MYO1D: variants seen among roughly 807,000 people sequenced by gnomAD.
MYO1D encodes unconventional myosin-Id.
A neutral mutation model predicts 122.0 loss-of-function variants in MYO1D; 83 were observed. That is an observed-to-expected ratio of 0.68 (90% confidence interval 0.57 to 0.82). MYO1D has a LOEUF of 0.82. MYO1D is among the 40% of genes least tolerant of loss of function. The probability of loss-of-function intolerance (pLI) is 0.00; values close to 1 mark genes in which losing one functional copy is unlikely to be tolerated. For synonymous variants in MYO1D, 464 were observed against 446.9 expected, an observed-to-expected ratio of 1.04 and a Z score of -0.48; for missense variants, 1,157 against 1,269.5, an observed-to-expected ratio of 0.91 and a Z score of 1.35.
At chr17:32,665,044 C>T (rs1350026527) in intron 16 of MYO1D, among the ~76,000 whole-genome samples, 1 of 152,184 alleles carries the variant, frequency 6.6e-6, no homozygotes, top group Non-Finnish European at 1.5e-5. Context: ...CCTCTTGTCT[C>T]AGGGCTTTTG....
intron 21 of MYO1D, among the ~76,000 whole-genome samples, chr17:32,519,886 C>A (rs1910057785): frequency 7.1e-6 from 1 of 140,084 alleles, no homozygotes. Context: ...GGGTAAACAG[C>A]AGGCTTTTTT....
intron 21 of MYO1D, among the ~76,000 whole-genome samples, chr17:32,555,501 C>T (rs993824173): frequency 3.3e-5 from 5 of 151,912 alleles, no homozygotes; most frequent in Admixed American, 3.3e-4. Flanking sequence ...AATAGAGTTA[C>T]TTTGTTGTCA....
intron 16 of MYO1D, among the ~76,000 whole-genome samples, chr17:32,673,859 T>A (rs548560874): frequency 2.0e-4 from 31 of 152,364 alleles, no homozygotes; most frequent in African/African-American, 6.7e-4. Context: ...GTCAATGTAT[T>A]AAATTGAAAA....
At chr17:32,623,271 T>TA (rs1300674788) in intron 20 of MYO1D, among the ~76,000 whole-genome samples, 1 of 152,184 alleles carries the variant, frequency 6.6e-6, no homozygotes, top group Non-Finnish European at 1.5e-5. Flanking sequence ...TTTATTATAT[T>TA]AAAAAAATCA....
intron 16 of MYO1D, among the ~76,000 whole-genome samples, chr17:32,662,388 C>T (rs1333203223): frequency 6.6e-6 from 1 of 152,116 alleles, no homozygotes; most frequent in South Asian, 2.1e-4. Flanking sequence ...TTAAGAGCTG[C>T]GCAGCGGGAC....
At chr17:32,694,117 C>T (rs1437743078) in intron 16 of MYO1D, among the ~76,000 whole-genome samples, 1 of 152,188 alleles carries the variant, frequency 6.6e-6, no homozygotes, top group African/African-American at 2.4e-5. Context: ...TTCAGTGTTT[C>T]AACATTTACT....
At chr17:32,684,179 G>T (rs956587231) in intron 16 of MYO1D, 18 of 157,244 alleles carry the variant, frequency 1.1e-4, no homozygotes, top group Non-Finnish European at 2.5e-4. Context: ...CGGTACCTCA[G>T]ATGGAAATGC....
chr17:32,788,221 C>T (rs114015733), intron 1 of MYO1D, among the ~76,000 whole-genome samples: 2,419 of 152,198 alleles, frequency 0.016, 50 homozygotes, highest in African/African-American at 0.051. Context: ...ACCATAGCTA[C>T]GCCAATATCT....
At chr17:32,501,419 G>C (rs530331511) in intron 21 of MYO1D, among the ~76,000 whole-genome samples, 1 of 152,312 alleles carries the variant, frequency 6.6e-6, no homozygotes, top group African/African-American at 2.4e-5. Flanking sequence ...TTCCCGAGGG[G>C]GTCCTGCCCA....
intron 16 of MYO1D, among the ~76,000 whole-genome samples, chr17:32,709,349 A>G (rs544875124): frequency 4.2e-4 from 64 of 152,326 alleles, no homozygotes; most frequent in South Asian, 2.1e-4. Context: ...AATAGGTAGA[A>G]AGAAAAAAAG....
intron 1 of MYO1D, among the ~76,000 whole-genome samples, chr17:32,867,859 T>C (rs1468606270): frequency 6.8e-6 from 1 of 146,080 alleles, no homozygotes; most frequent in African/African-American, 2.5e-5. Context: ...TACCAGGAGA[T>C]TATATGAAAA....
chr17:32,601,525 G>A (rs2087562748), intron 21 of MYO1D, among the ~76,000 whole-genome samples: 1 of 152,138 alleles, frequency 6.6e-6, no homozygotes, highest in South Asian at 2.1e-4. Flanking sequence ...CACCATAGCA[G>A]TTAATAACAA....
intron 16 of MYO1D, 99 bp from the exon 17 acceptor site, chr17:32,659,437 G>C (rs1367318892): frequency 2.9e-5 from 36 of 1,245,216 alleles, no homozygotes; most frequent in Non-Finnish European, 2.3e-6. Context: ...ACTCAACCAG[G>C]CAACTTGCAA....
At chr17:32,568,537 A>G (rs1456037241) in intron 21 of MYO1D, among the ~76,000 whole-genome samples, 2 of 152,184 alleles carry the variant, frequency 1.3e-5, no homozygotes, top group African/African-American at 2.4e-5. Context: ...GCACAGCTGT[A>G]TAAGTCAGGT....
chr17:32,670,469 T>C (rs1201399039), intron 16 of MYO1D, among the ~76,000 whole-genome samples: 3 of 151,982 alleles, frequency 2.0e-5, no homozygotes, highest in African/African-American at 4.8e-5. Context: ...AGAACAAGCA[T>C]TGATAGAGGC....
At chr17:32,514,352 C>A (rs781239034) in intron 21 of MYO1D, among the ~76,000 whole-genome samples, 3 of 151,814 alleles carry the variant, frequency 2.0e-5, no homozygotes, top group Non-Finnish European at 4.4e-5. Flanking sequence ...ACTGGCTTCC[C>A]GAAGTGCTGG....
chr17:32,805,526 C>T (rs1432451992), intron 1 of MYO1D, among the ~76,000 whole-genome samples: 4 of 152,042 alleles, frequency 2.6e-5, no homozygotes, highest in Admixed American at 6.6e-5. Context: ...GGTGTGATTT[C>T]CTCACATATT....
intron 20 of MYO1D, among the ~76,000 whole-genome samples, chr17:32,623,112 G>A (rs1597944224): frequency 1.4e-5 from 2 of 145,928 alleles, no homozygotes; most frequent in East Asian, 2.0e-4. Context: ...TGCTCAACAG[G>A]AGCCAAAGTA....
intron 16 of MYO1D, among the ~76,000 whole-genome samples, chr17:32,667,779 T>A (rs940215181): frequency 2.6e-5 from 4 of 152,194 alleles, no homozygotes; most frequent in Admixed American, 6.5e-5. Flanking sequence ...CATGCCCATT[T>A]TATATATATG....
Sources: gnomAD v4.1 joint callset for allele counts (sites outside exome capture counted in the v4.1 genomes callset) on GRCh38, gnomAD v4.1.1 for gene constraint, MANE v1.5 for transcripts, NCBI Gene and HGNC (gene_info 2026-07-23, HGNC 2026-07-21) for gene names.